Variants in UPF2 observed in about 807,000 individuals in gnomAD.
UPF2 encodes UPF2 regulator of nonsense mediated mRNA decay.
UPF2 carries 17 observed loss-of-function variants against 141.4 expected under a neutral mutation model. The observed-to-expected ratio is 0.12, with a 90% CI of 0.08 to 0.18. The LOEUF (loss-of-function observed/expected upper bound fraction) is 0.18. Among genes scored for constraint, UPF2 ranks in the 10% least tolerant of loss-of-function variants. The pLI, the probability that UPF2 is intolerant of heterozygous loss-of-function variation, is 1.00. For missense variants in UPF2, 1,152 were observed against 1,515.9 expected, an observed-to-expected ratio of 0.76 and a Z score of 3.99; for synonymous variants, 540 against 498.0, an observed-to-expected ratio of 1.08 and a Z score of -1.12.
chr10:11,972,055 C>A (rs1161380128), intron 9 of UPF2, among the ~76,000 whole-genome samples: 1 of 134,546 alleles, frequency 7.4e-6, no homozygotes, highest in Non-Finnish European at 1.6e-5. Flanking sequence ...CAGAGCAAGA[C>A]TCTGTCTCAA....
intron 18 of UPF2, among the ~76,000 whole-genome samples, chr10:11,941,120 C>A (rs1010957010): frequency 1.3e-5 from 2 of 152,184 alleles, no homozygotes; most frequent in Non-Finnish European, 2.9e-5. Flanking sequence ...TCTGTTAGAA[C>A]AGGAACCACC....
Position 11,931,650 on chromosome 10 carries a change from C to G in UPF2, c.3679G>C (p.Asp1227His). The G allele has an allele frequency of 6.2e-7, 1 of 1,601,262 alleles. No individual in the cohort carries two copies. The highest frequency in any genetic ancestry group is 8.5e-7 in the Non-Finnish European group (1 of 1,177,076). Reference sequence around the variant, plus strand: ...ATAGATGATTTTATACCTTGATAATCTTCTTGTTCTTGCCGTTCATTGATA... The same window carrying G: ...ATAGATGATTTTATACCTTGATAATGTTCTTGTTCTTGCCGTTCATTGATA... The part of the protein sequence containing the change: ...LDINERQEQE[D>H]YQEMLQSLAQ... Residue 1227 changes from aspartate to histidine, a missense_variant, in exon 20 of 22, where the codon GAT becomes CAT. Physicochemically the swap from Asp to His is moderately conservative, Grantham distance 81. This residue lies in a region of UPF2 where 66 missense variants were observed against 123.5 expected (regional missense o/e 0.53). Coordinates refer to ENST00000357604, the MANE Select transcript of UPF2 (RefSeq NM_015542.4). This position sits in a 1 kb window ranked among gnomAD's most constrained non-coding sequence, Gnocchi z 5.9.
intron 18 of UPF2, among the ~76,000 whole-genome samples, chr10:11,938,108 T>C (rs187567393): frequency 6.6e-6 from 1 of 152,290 alleles, no homozygotes; most frequent in Admixed American, 6.5e-5. Context: ...CAATGCAGTA[T>C]GTTCTTTTGG....
At position 11,943,078 on chromosome 10, in the gene UPF2, C is replaced by T. The variant is rs1400229188; in HGVS notation, c.3265G>A (p.Asp1089Asn). The T allele has an allele frequency of 6.2e-7, 1 of 1,610,496 alleles. No homozygotes were observed. The highest frequency in any genetic ancestry group is 8.5e-7 in the Non-Finnish European group (1 of 1,177,926). The change falls in exon 17 of 22, where the codon GAT (aspartate) becomes AAT (asparagine). Residue 1089 changes from aspartate to asparagine, a missense_variant. By Grantham distance (23) the Asp-to-Asn change is conservative. Around this residue, in one of 4 missense-constraint regions of UPF2, gnomAD observed 202 missense variants for 223.6 expected, o/e 0.90. Coordinates refer to ENST00000357604, the MANE Select transcript of UPF2 (RefSeq NM_015542.4). ...LTDSNKENET[D>N]EENTEVMIKG... is the part of the protein sequence containing the mutation. Reference sequence around the variant, plus strand: ...GCCATACGTACAGTATTCTCTTCATCGGTTTCATTTTCCTTATTGGAATCT... The same window carrying T: ...GCCATACGTACAGTATTCTCTTCATTGGTTTCATTTTCCTTATTGGAATCT...
intron 7 of UPF2, among the ~76,000 whole-genome samples, chr10:11,999,426 T>G (rs1227176541): frequency 6.7e-6 from 1 of 149,616 alleles, no homozygotes; most frequent in East Asian, 2.0e-4. Context: ...GGCAGGAGAA[T>G]TGCTTGAACC....
intron 4 of UPF2, among the ~76,000 whole-genome samples, chr10:12,012,748 G>C (rs1011604039): frequency 6.7e-6 from 1 of 149,430 alleles, no homozygotes; most frequent in African/African-American, 2.5e-5. Flanking sequence ...GCAGTGAGCA[G>C]AGACCGCACC....
At position 11,966,651 on chromosome 10, in the gene UPF2, C is replaced by T. The variant is rs1033755955; in HGVS notation, c.2067+690G>A. Among the ~76,000 whole-genome samples the T allele has an allele frequency of 1.5e-3, 235 of 152,202 alleles. 1 individual carries two copies. The highest frequency in any genetic ancestry group is 5.2e-3 in the African/African-American group (217 of 41,540). On this transcript the variant is annotated intron_variant, in intron 10 of 21. Coordinates refer to ENST00000357604, the MANE Select transcript of UPF2 (RefSeq NM_015542.4). ...GTTGGTCAGGCTGGTCTCGAACTCC[C>T]GATCTCAGGTGATCCACCTGCCTCA...
At chr10:11,969,421 G>A (rs924094424) in intron 9 of UPF2, among the ~76,000 whole-genome samples, 7 of 152,110 alleles carry the variant, frequency 4.6e-5, no homozygotes, top group African/African-American at 1.4e-4. Flanking sequence ...CACCCGCCTC[G>A]GCCTCCAAAA....
chr10:11,964,212 A>C, intron 10 of UPF2, 87 bp from the exon 11 acceptor site: 1 of 909,950 alleles, frequency 1.1e-6, no homozygotes, highest in Non-Finnish European at 1.6e-6. Flanking sequence ...TGTGTGTAAC[A>C]ACTTGGAAAA....
chr10:12,039,541 C>T (rs760524667), intron 1 of UPF2, among the ~76,000 whole-genome samples: 5 of 151,794 alleles, frequency 3.3e-5, no homozygotes, highest in African/African-American at 7.3e-5. Context: ...TCTGATGTGA[C>T]GCATCAACAA....
chr10:11,971,473 A>G (rs868599644), intron 9 of UPF2, among the ~76,000 whole-genome samples: 16 of 152,070 alleles, frequency 1.1e-4, no homozygotes, highest in African/African-American at 3.6e-4. Flanking sequence ...AGGCTGGCCG[A>G]ACTCCTGACC....
At chr10:12,039,619 TC>T (rs1834698257) in intron 1 of UPF2, among the ~76,000 whole-genome samples, 12 of 144,770 alleles carry the variant, frequency 8.3e-5, no homozygotes, top group Non-Finnish European at 1.8e-4. Flanking sequence ...TCTCTCTCTC[TC>T]TCTTTTTTTT....
intron 3 of UPF2, among the ~76,000 whole-genome samples, chr10:12,021,112 A>C (rs549213357): frequency 1.2e-4 from 19 of 152,242 alleles, no homozygotes; most frequent in Non-Finnish European, 2.5e-4. Context: ...AGTATGAAGA[A>C]GAAGAAAAGA....
rs568638061 is a variant in UPF2 at position 12,007,633 on chromosome 10, A to T, written c.1307-2906T>A. Among the ~76,000 whole-genome samples, 10 of 152,014 alleles carry T rather than the reference A, an allele frequency of 6.6e-5. No individual in the cohort carries two copies. In the South Asian group the frequency reaches 2.1e-3, roughly 32 times the overall value. On this transcript the variant is annotated intron_variant, in intron 4 of 21. Coordinates refer to ENST00000357604, the MANE Select transcript of UPF2 (RefSeq NM_015542.4). ...ATAACGAGGTCAGGAGATCGAGACT[A>T]TCCTAGCTAACACAGTGAAACCCCG...
Position 11,936,743 on chromosome 10 carries a change from A to C in UPF2, c.3379-31T>G. 1 of 1,571,570 alleles carries C rather than the reference A, an allele frequency of 6.4e-7. No individual in the cohort carries two copies. The highest frequency in any genetic ancestry group is 8.6e-7 in the Non-Finnish European group (1 of 1,158,982). The stretch of plus-strand genomic sequence containing the variant: ...AGAAATTAAAAAGGACATAATAAAC[A>C]CTCCAAGATATATACGGATATATGT... On this transcript the variant is annotated intron_variant, in intron 18 of 21. Transcript: ENST00000357604. This position sits in a 1 kb window ranked among gnomAD's most constrained non-coding sequence, Gnocchi z 6.6.
intron 8 of UPF2, among the ~76,000 whole-genome samples, chr10:11,994,007 A>C (rs1264856261): frequency 6.6e-6 from 1 of 152,108 alleles, no homozygotes; most frequent in African/African-American, 2.4e-5. Context: ...AAGAACCAAG[A>C]GACATGGCTT....
intron 8 of UPF2, 125 bp downstream of exon 8, chr10:11,997,547 T>A (rs770572810): frequency 1.4e-6 from 1 of 715,126 alleles, no homozygotes; most frequent in Non-Finnish European, 2.2e-6. Flanking sequence ...AATATGCTAA[T>A]AATGCTAATG....
At chr10:12,013,277 A>ATT (rs1215529268) in intron 4 of UPF2, among the ~76,000 whole-genome samples, 15 of 137,718 alleles carry the variant, frequency 1.1e-4, no homozygotes, top group Non-Finnish European at 1.7e-4. Context: ...CACCCCTAAA[A>ATT]TTTTTTTTTT....
At chr10:12,026,646 C>CTTTTT (rs760035093) in intron 3 of UPF2, 46 of 389,584 alleles carry the variant, frequency 1.2e-4, no homozygotes, top group Admixed American at 2.4e-4. Flanking sequence ...TTCCTATAAA[C>CTTTTT]TTTTTTTTTT....
Sources: allele counts gnomAD v4.1 joint callset (sites outside exome capture counted in the v4.1 genomes callset), GRCh38; gene constraint gnomAD v4.1.1; regional missense constraint gnomAD v4.1.1; non-coding constraint Gnocchi (gnomAD v3.1); transcripts MANE v1.5; gene names NCBI Gene and HGNC (gene_info 2026-07-23, HGNC 2026-07-21).